The following ANKRD11 variants were observed in gnomAD, a reference collection of about 807,000 sequenced individuals.
The protein encoded by ANKRD11 is ankyrin repeat domain 11.
Under a neutral mutation model 195.7 loss-of-function variants are expected in ANKRD11, and 17 were observed. That is an observed-to-expected ratio of 0.09 (90% CI 0.06 to 0.13). The LOEUF (loss-of-function observed/expected upper bound fraction) is 0.13, where lower values mean the gene tolerates loss of function less well. Ranked by LOEUF, ANKRD11 falls within the 10% of genes least tolerant of loss-of-function variation. The pLI is 1.00. For synonymous variants in ANKRD11, 1,953 were observed against 1,528.1 expected (o/e 1.28, Z -6.49); for missense variants, 3,735 against 3,566.1 (o/e 1.05, Z -1.21).
At chr16:89,453,174 T>C (rs2152318224) in intron 1 of ANKRD11, among the ~76,000 whole-genome samples, 1 of 152,314 alleles carries the variant, frequency 6.6e-6, no homozygotes, top group Middle Eastern at 3.4e-3. Flanking sequence ...CTTGGCTCCT[T>C]TTTGTTTTTA....
intron 1 of ANKRD11, among the ~76,000 whole-genome samples, chr16:89,429,047 TA>T (rs1273676709): frequency 6.6e-6 from 1 of 152,180 alleles, no homozygotes; most frequent in Non-Finnish European, 1.5e-5. Flanking sequence ...GGGAAGGGAC[TA>T]CACAGCTTCT....
chr16:89,426,652 T>C (rs1471479622), intron 1 of ANKRD11, among the ~76,000 whole-genome samples: 2 of 152,184 alleles, frequency 1.3e-5, no homozygotes, highest in Non-Finnish European at 2.9e-5. Flanking sequence ...AATTTATTTC[T>C]AGCTCTTAGT....
chr16:89,289,199 G>A (rs1184587821), intron 6 of ANKRD11, among the ~76,000 whole-genome samples: 1 of 152,154 alleles, frequency 6.6e-6, no homozygotes, highest in Non-Finnish European at 1.5e-5. Flanking sequence ...ATCGGACGGT[G>A]TGGCCGCACG....
At chr16:89,433,190 A>G (rs1224880761) in intron 1 of ANKRD11, among the ~76,000 whole-genome samples, 1 of 152,216 alleles carries the variant, frequency 6.6e-6, no homozygotes, top group East Asian at 1.9e-4. Context: ...ATGAAAAAGG[A>G]AGACAGTAAG....
intron 7 of ANKRD11, chr16:89,288,298 T>C (rs1335697306): frequency 1.6e-5 from 11 of 699,718 alleles, no homozygotes; most frequent in Non-Finnish European, 2.8e-5. Flanking sequence ...GATACGAGCC[T>C]TTCATAGATG....
At chr16:89,293,266 G>A (rs2035182355) in intron 4 of ANKRD11, among the ~76,000 whole-genome samples, 1 of 152,178 alleles carries the variant, frequency 6.6e-6, no homozygotes, top group Non-Finnish European at 1.5e-5. Flanking sequence ...TTGCAAAGCT[G>A]CACACAGCAC....
In ANKRD11 at chr16:89,268,518, A is replaced by G. The variant is rs1448454894; in HGVS notation, c.7952T>C (p.Met2651Thr). Residue 2651 changes from methionine to threonine, a missense_variant, in exon 13 of 13, where the codon ATG becomes ACG. Met to Thr is a moderately conservative substitution (Grantham distance 81). Coordinates refer to ENST00000301030, the MANE Select transcript of ANKRD11 (RefSeq NM_013275.6). The stretch of plus-strand genomic sequence containing the variant: ...TACAAAGTCGTCGTTGACGTCGACC[A>G]TGGGCACGTAGAAGGAGGGCACCTC... Reference protein sequence around the residue: ...VNEVPSFYVPMVDVNDDFVLL... With the variant: ...VNEVPSFYVPTVDVNDDFVLL... 6.3e-6 allele frequency: 9 copies of G among 1,437,676 alleles called. No individual in the cohort carries two copies. The Admixed American group carries it at 1.4e-4, about 22-fold the overall frequency. 89.1% of individuals were successfully genotyped at this position (1,437,676 alleles called of 1,614,324 possible). A position where few individuals can be genotyped will look rare whatever the true frequency, so the allele number is the denominator to read the frequency against.
intron 2 of ANKRD11, among the ~76,000 whole-genome samples, chr16:89,362,798 G>T (rs2039788027): frequency 6.6e-6 from 1 of 152,096 alleles, no homozygotes; most frequent in South Asian, 2.1e-4. Flanking sequence ...TTAGTTGAAG[G>T]TGTTTTTACC....
chr16:89,337,099 T>C (rs1350537751), intron 2 of ANKRD11, among the ~76,000 whole-genome samples: 4 of 150,684 alleles, frequency 2.7e-5, no homozygotes, highest in African/African-American at 7.3e-5. Context: ...GATGGGAGGA[T>C]TGCTTGAACC....
At chr16:89,401,464 G>C (rs2152162942) in intron 2 of ANKRD11, among the ~76,000 whole-genome samples, 1 of 152,302 alleles carries the variant, frequency 6.6e-6, no homozygotes, top group South Asian at 2.1e-4. Flanking sequence ...AGAATGTGAA[G>C]CCTTATATCC....
intron 2 of ANKRD11, among the ~76,000 whole-genome samples, chr16:89,382,011 C>T (rs1016063787): frequency 1.3e-5 from 2 of 152,292 alleles, no homozygotes; most frequent in East Asian, 1.9e-4. Flanking sequence ...CTTTACAAAC[C>T]GTGCAAGCAG....
intron 1 of ANKRD11, among the ~76,000 whole-genome samples, chr16:89,477,772 G>C (rs1274750931): frequency 2.0e-5 from 3 of 150,104 alleles, no homozygotes; most frequent in Non-Finnish European, 4.4e-5. Context: ...AGGAGTTCAA[G>C]ACCAGCCTGG....
At chr16:89,461,221 A>G (rs2056655852) in intron 1 of ANKRD11, among the ~76,000 whole-genome samples, 1 of 130,870 alleles carries the variant, frequency 7.6e-6, no homozygotes, top group Non-Finnish European at 1.6e-5. Context: ...TTGAGTGGTG[A>G]CATTCATAAG....
intron 9 of ANKRD11, among the ~76,000 whole-genome samples, chr16:89,277,046 ACT>A (rs1157313026): frequency 3.3e-4 from 37 of 113,544 alleles, no homozygotes; most frequent in African/African-American, 1.1e-3. Flanking sequence ...ACAGAGTGAG[ACT>A]CTGTCTTAAA....
intron 2 of ANKRD11, among the ~76,000 whole-genome samples, chr16:89,369,889 T>G (rs2040119077): frequency 6.6e-6 from 1 of 152,184 alleles, no homozygotes; most frequent in Non-Finnish European, 1.5e-5. Context: ...TTCTTACATC[T>G]CATGTCATCT....
At chr16:89,288,454 A>G (rs1305506559) in intron 7 of ANKRD11, 74 bp downstream of exon 7, 5 of 1,607,278 alleles carry the variant, frequency 3.1e-6, no homozygotes, top group African/African-American at 1.3e-5. Context: ...CCGGCTAGCT[A>G]CGGGGAAACA....
intron 11 of ANKRD11, 151 bp downstream of exon 11, chr16:89,274,663 G>T: frequency 8.4e-7 from 1 of 1,197,372 alleles, no homozygotes; most frequent in Non-Finnish European, 1.2e-6. Context: ...GCTCGCCCAA[G>T]GCTAGAGGCA....
intron 2 of ANKRD11, among the ~76,000 whole-genome samples, chr16:89,363,774 AG>A (rs2039831320): frequency 6.6e-6 from 1 of 152,228 alleles, no homozygotes; most frequent in Non-Finnish European, 1.5e-5. Flanking sequence ...GTGGAGTGCT[AG>A]CCCTATGCGG....
At chr16:89,443,792 T>C (rs528569778) in intron 1 of ANKRD11, among the ~76,000 whole-genome samples, 10 of 152,234 alleles carry the variant, frequency 6.6e-5, no homozygotes, top group African/African-American at 2.4e-4. Flanking sequence ...ATGACCAAGA[T>C]GCATTAAGAA....
Sources: gnomAD v4.1 joint callset for allele counts (sites outside exome capture counted in the v4.1 genomes callset) on GRCh38, gnomAD v4.1.1 for gene constraint, MANE v1.5 for transcripts, NCBI Gene and HGNC (gene_info 2026-07-23, HGNC 2026-07-21) for gene names.